The following ANKRD42 variants were observed in gnomAD, a reference collection of about 807,000 sequenced individuals.
The protein encoded by ANKRD42 is ankyrin repeat domain 42.
Under a neutral mutation model 51.5 loss-of-function variants are expected in ANKRD42, and 43 were observed. The observed-to-expected ratio is 0.83, with a 90% CI of 0.65 to 1.08. ANKRD42 has a LOEUF of 1.08. Among genes scored for constraint, ANKRD42 ranks in the 50% least tolerant of loss-of-function variants. The pLI, the probability that ANKRD42 is intolerant of heterozygous loss-of-function variation, is 0.00. For synonymous variants in ANKRD42, 203 were observed against 213.0 expected, an observed-to-expected ratio of 0.95 and a Z score of 0.41; for missense variants, 608 against 629.3, an observed-to-expected ratio of 0.97 and a Z score of 0.36.
chr11:83,194,572 C>T lies in ANKRD42; in HGVS notation c.-99C>T, dbSNP rs1407724179. 4 of 1,217,792 alleles carry T rather than the reference C, an allele frequency of 3.3e-6. No homozygotes were observed. The highest frequency in any genetic ancestry group is 2.4e-5 in the East Asian group (1 of 41,784). The allele number at this position is 1,217,792 out of a possible 1,614,324, so 75.4% of individuals were successfully genotyped here. On this transcript the variant is annotated 5_prime_UTR_variant, in exon 1 of 11. Coordinates refer to ENST00000533342, the MANE Select transcript of ANKRD42 (RefSeq NM_001300975.2). Reference sequence around the variant, plus strand: ...TCCTAGTGACGACGGAGAAGAGGGCCGCTGCCGCTGCAGTGGCTCGTGGGT... The same window carrying T: ...TCCTAGTGACGACGGAGAAGAGGGCTGCTGCCGCTGCAGTGGCTCGTGGGT...
rs370598121 is a variant in ANKRD42, at chr11:83,242,842, C to T, written c.1195+1908C>T. Among the ~76,000 whole-genome samples the T allele has an allele frequency of 2.6e-5, 4 of 152,002 alleles. No individual in the cohort carries two copies. The South Asian group carries it at 6.2e-4, about 24-fold the overall frequency. On this transcript the variant is annotated intron_variant, in intron 9 of 10. Coordinates refer to ENST00000533342, the MANE Select transcript of ANKRD42 (RefSeq NM_001300975.2). Reference sequence around the variant, plus strand: ...CCTCCCGAAGTGCTGGGATTACAGGCGTGAGCCACTGTGCCCGGCCGCACC... The same window carrying T: ...CCTCCCGAAGTGCTGGGATTACAGGTGTGAGCCACTGTGCCCGGCCGCACC...
Position 83,194,231 on chromosome 11 carries a change from G to A in ANKRD42, c.-440G>A, listed in dbSNP as rs1468332621. 8.7e-6 allele frequency: 4 copies of A among 462,250 alleles called. No homozygotes were observed. In the Admixed American group the frequency reaches 9.4e-5, roughly 11 times the overall value. The allele number at this position is 462,250 out of a possible 1,614,324, so 28.6% of individuals were successfully genotyped here. A position where few individuals can be genotyped will look rare whatever the true frequency, so the allele number is the denominator to read the frequency against. Reference sequence around the variant, plus strand: ...ACAGCCAGAGAAGACCGAGGCCTCCGCCTCAGTGGTCCTTGGGAGGGAGTC... The same window carrying A: ...ACAGCCAGAGAAGACCGAGGCCTCCACCTCAGTGGTCCTTGGGAGGGAGTC... On this transcript the variant is annotated 5_prime_UTR_variant, in exon 1 of 11. Coordinates refer to ENST00000533342, the MANE Select transcript of ANKRD42 (RefSeq NM_001300975.2).
intron 2 of ANKRD42, among the ~76,000 whole-genome samples, chr11:83,204,520 T>A (rs1861993810): frequency 6.6e-6 from 1 of 152,094 alleles, no homozygotes; most frequent in African/African-American, 2.4e-5. Context: ...AAACTACCTG[T>A]TTGGTAACCT....
chr11:83,205,775 C>T (rs1862047081), intron 2 of ANKRD42, among the ~76,000 whole-genome samples: 2 of 152,190 alleles, frequency 1.3e-5, no homozygotes, highest in South Asian at 4.1e-4. Flanking sequence ...ATTGGATAAG[C>T]ATTTCACTCA....
Position 83,194,516 on chromosome 11 carries a change from G to C in ANKRD42, c.-155G>C. Reference sequence around the variant, plus strand: ...GACGAAGGTTTCCGCTGCAGCTTCTGGGAGAGAGCAAGAGAGGACCTTGGG... The same window carrying C: ...GACGAAGGTTTCCGCTGCAGCTTCTCGGAGAGAGCAAGAGAGGACCTTGGG... On this transcript the variant is annotated 5_prime_UTR_variant, in exon 1 of 11. Transcript: ENST00000533342. 1 of 749,424 alleles carries C rather than the reference G, an allele frequency of 1.3e-6. No homozygotes were observed. The highest frequency in any genetic ancestry group is 2.4e-6 in the Non-Finnish European group (1 of 424,776). 46.4% of individuals were successfully genotyped at this position (749,424 alleles called of 1,614,324 possible).
At position 83,247,958 on chromosome 11, in the gene ANKRD42, G is replaced by A; in HGVS notation, c.1338G>A (p.Leu446=). 1 of 1,610,656 alleles carries A rather than the reference G, an allele frequency of 6.2e-7. No individual in the cohort carries two copies. The highest frequency in any genetic ancestry group is 8.5e-7 in the Non-Finnish European group (1 of 1,178,984). The part of the protein sequence containing the change: ...QLESEKTIKE[L]QGQLEYERLR... ...TTTTTGATAGGACCATCAAAGAACT[G>A]CAGGGCCAGCTGGAGTATGAACGAC... The change falls in exon 11 of 11, where the codon CTG becomes CTA. Residue 446 remains leucine, a synonymous_variant. Coordinates refer to ENST00000533342, the MANE Select transcript of ANKRD42 (RefSeq NM_001300975.2).
Position 83,211,440 on chromosome 11 carries a change from A to T in ANKRD42, c.586+10A>T. ...AATGGAAACCTTCCAGGTATTTTAA[A>T]TAAAGCAAATATTTTAGTTTTTCAT... On this transcript the variant is annotated intron_variant, in intron 5 of 10. Transcript: ENST00000533342. 1.2e-6 allele frequency: 2 copies of T among 1,611,928 alleles called. No homozygotes were observed. The highest frequency in any genetic ancestry group is 8.5e-7 in the Non-Finnish European group (1 of 1,179,172).
intron 3 of ANKRD42, among the ~76,000 whole-genome samples, chr11:83,208,369 G>A (rs1320226217): frequency 6.6e-6 from 1 of 151,950 alleles, no homozygotes; most frequent in African/African-American, 2.4e-5. Context: ...GTGTGTTTGT[G>A]TGTGTGTGTG....
At position 83,194,576 on chromosome 11, in the gene ANKRD42, G is replaced by A. The variant is rs754552929; in HGVS notation, c.-95G>A. 3.1e-6 allele frequency: 4 copies of A among 1,274,926 alleles called. No individual in the cohort carries two copies. The highest frequency in any genetic ancestry group is 4.5e-6 in the Non-Finnish European group (4 of 881,830). 79.0% of individuals were successfully genotyped at this position (1,274,926 alleles called of 1,614,324 possible). A position where few individuals can be genotyped will look rare whatever the true frequency, so the allele number is the denominator to read the frequency against. On this transcript the variant is annotated 5_prime_UTR_variant, in exon 1 of 11. Transcript: ENST00000533342. ...AGTGACGACGGAGAAGAGGGCCGCT[G>A]CCGCTGCAGTGGCTCGTGGGTGAGA...
At position 83,248,296 on chromosome 11, in the gene ANKRD42, TACACACACACACACACACACACACAC is replaced by T; in HGVS notation, c.*107_*132del. On this transcript the variant is annotated 3_prime_UTR_variant, in exon 11 of 11. Coordinates refer to ENST00000533342, the MANE Select transcript of ANKRD42 (RefSeq NM_001300975.2). Reference sequence around the variant, plus strand: ...AGAGCTGATGACAGGATTAAAGGAATACACACACACACACACACACACACACACACACACACACACTCTATATGTAA... The same window carrying T: ...AGAGCTGATGACAGGATTAAAGGAATACACACACACACACTCTATATGTAA... The T allele has an allele frequency of 4.6e-6, 6 of 1,299,848 alleles. No individual in the cohort carries two copies. Among genetic ancestry groups the T allele is most frequent in the Non-Finnish European group, 5.9e-6 (6 of 1,010,124 alleles). The allele number at this position is 1,299,848 out of a possible 1,614,324, so 80.5% of individuals were successfully genotyped here. A position where few individuals can be genotyped will look rare whatever the true frequency, so the allele number is the denominator to read the frequency against.
At chr11:83,205,787 A>G (rs953797391) in intron 2 of ANKRD42, among the ~76,000 whole-genome samples, 1 of 152,204 alleles carries the variant, frequency 6.6e-6, no homozygotes, top group African/African-American at 2.4e-5. Context: ...TTTCACTCAT[A>G]GCAACCACTG....
chr11:83,260,161 G>A (rs906956935), downstream of ANKRD42: 7 of 152,144 alleles, frequency 4.6e-5, no homozygotes, highest in African/African-American at 1.4e-4. Context: ...GAGGAAAGAC[G>A]CATTCCCTCT....
In ANKRD42 at chr11:83,193,733, C is replaced by G. The variant is rs1427091762; in HGVS notation, c.-938C>G. 7 of 414,022 alleles carry G rather than the reference C, an allele frequency of 1.7e-5. No individual in the cohort carries two copies. Among genetic ancestry groups the G allele is most frequent in the South Asian group, 1.2e-4 (7 of 60,310 alleles). The allele number at this position is 414,022 out of a possible 1,614,324, so 25.6% of individuals were successfully genotyped here. A position where few individuals can be genotyped will look rare whatever the true frequency, so the allele number is the denominator to read the frequency against. On this transcript the variant is annotated 5_prime_UTR_variant, in exon 1 of 11. Transcript: ENST00000533342. ...GTGTACTCGTTTCCAAGGCGACGGCCCTGCTGCCTCTCCAGCCAAGTGGCT... is the reference window on the plus strand; with the variant it reads ...GTGTACTCGTTTCCAAGGCGACGGCGCTGCTGCCTCTCCAGCCAAGTGGCT...
At chr11:83,264,258 A>C (rs1367693945), downstream of ANKRD42, among the ~76,000 whole-genome samples, 1 of 152,198 alleles carries the variant, frequency 6.6e-6, no homozygotes, top group Non-Finnish European at 1.5e-5. Flanking sequence ...GCTTTCTAAT[A>C]AAAAGATGTC....
chr11:83,259,480 A>G (rs1466683313), downstream of ANKRD42: 2 of 152,236 alleles, frequency 1.3e-5, no homozygotes, highest in Non-Finnish European at 2.9e-5. Flanking sequence ...GATCTATTTA[A>G]TATTTAGTGG....
In ANKRD42 at chr11:83,194,535, C is replaced by A. The variant is rs1318047182; in HGVS notation, c.-136C>A. The stretch of plus-strand genomic sequence containing the variant: ...GCTTCTGGGAGAGAGCAAGAGAGGA[C>A]CTTGGGCCCCGTCCTAGTGACGACG... On this transcript the variant is annotated 5_prime_UTR_variant, in exon 1 of 11. Transcript: ENST00000533342. The A allele has an allele frequency of 2.4e-6, 2 of 819,466 alleles. No homozygotes were observed. Among genetic ancestry groups the A allele is most frequent in the South Asian group, 1.4e-5 (1 of 71,040 alleles). The allele number at this position is 819,466 out of a possible 1,614,324, so 50.8% of individuals were successfully genotyped here. A position where few individuals can be genotyped will look rare whatever the true frequency, so the allele number is the denominator to read the frequency against.
At chr11:83,200,656 C>T (rs911243317) in intron 2 of ANKRD42, among the ~76,000 whole-genome samples, 7 of 152,190 alleles carry the variant, frequency 4.6e-5, no homozygotes, top group African/African-American at 1.4e-4. Context: ...CTGAATTTGT[C>T]CTCTCCATCC....
downstream of ANKRD42, chr11:83,261,908 A>C (rs1231270180): frequency 3.1e-6 from 5 of 1,601,494 alleles, no homozygotes; most frequent in South Asian, 1.1e-5. Flanking sequence ...ATGAGCATTA[A>C]TACTACTTCC....
At chr11:83,223,275 G>A (rs1862770172) in intron 5 of ANKRD42, among the ~76,000 whole-genome samples, 1 of 152,114 alleles carries the variant, frequency 6.6e-6, no homozygotes, top group Non-Finnish European at 1.5e-5. Flanking sequence ...GGATCATTTT[G>A]CTGTTGTATT....
Sources: allele counts gnomAD v4.1 joint callset (sites outside exome capture counted in the v4.1 genomes callset), GRCh38; gene constraint gnomAD v4.1.1; transcripts MANE v1.5; gene names NCBI Gene and HGNC (gene_info 2026-07-23, HGNC 2026-07-21).